Variants in ADAM19 observed in about 807,000 individuals in gnomAD.
ADAM19 encodes the protein disintegrin and metalloproteinase domain-containing protein 19.
Under a neutral mutation model 114.7 loss-of-function variants are expected in ADAM19, and 65 were observed. That is an observed-to-expected ratio of 0.57 (90% CI 0.46 to 0.70). The LOEUF is 0.70. Among genes scored for constraint, ADAM19 ranks in the 30% least tolerant of loss-of-function variants. The pLI is 0.00. For missense variants in ADAM19, 1,063 were observed against 1,204.7 expected, an observed-to-expected ratio of 0.88 and a Z score of 1.74; for synonymous variants, 466 against 460.5, an observed-to-expected ratio of 1.01 and a Z score of -0.15.
intron 16 of ADAM19, 59 bp downstream of exon 16, chr5:157,492,914 C>G: frequency 6.3e-7 from 1 of 1,583,472 alleles, no homozygotes; most frequent in East Asian, 2.2e-5. Flanking sequence ...CCTCAGACCT[C>G]ACTTCTCAAT....
At position 157,498,688 on chromosome 5, in the gene ADAM19, GTATA is replaced by G. The variant is rs55867903; in HGVS notation, c.1398+881_1398+884del. Among the ~76,000 whole-genome samples the G allele has an allele frequency of 9.3e-3, 1,332 of 143,846 alleles. 12 individuals are homozygous for G. Among genetic ancestry groups the G allele is most frequent in the African/African-American group, 0.019 (768 of 39,582 alleles). 94.4% of individuals were successfully genotyped at this position (143,846 alleles called of 152,430 possible). A position where few individuals can be genotyped will look rare whatever the true frequency, so the allele number is the denominator to read the frequency against. ...CATATATAATTACACATGTGTGTAT[GTATA>G]TATATATATATATATATATGGATAT... On this transcript the variant is annotated intron_variant, in intron 13 of 22. Transcript: ENST00000257527.
intron 21 of ADAM19, among the ~76,000 whole-genome samples, chr5:157,486,208 G>A (rs1022519953): frequency 6.6e-6 from 1 of 152,158 alleles, no homozygotes; most frequent in African/African-American, 2.4e-5. Context: ...ACTGTGCAAT[G>A]TCGGGCAAGT....
chr5:157,530,968 C>T (rs2113755919), intron 4 of ADAM19, 85 bp from the exon 5 acceptor site: 1 of 1,205,082 alleles, frequency 8.3e-7, no homozygotes, highest in Non-Finnish European at 1.2e-6. Context: ...ATGGATGACT[C>T]ATGGCTTATT....
intron 13 of ADAM19, 109 bp from the exon 14 acceptor site, chr5:157,497,198 A>G: frequency 9.9e-7 from 1 of 1,014,808 alleles, no homozygotes; most frequent in South Asian, 2.2e-5. Flanking sequence ...TTCCATTACC[A>G]TGATTTCACA....
At chr5:157,545,633 A>G (rs755410380) in intron 3 of ADAM19, among the ~76,000 whole-genome samples, 6 of 152,154 alleles carry the variant, frequency 3.9e-5, no homozygotes, top group Non-Finnish European at 8.8e-5. Flanking sequence ...TCTCTGCCCA[A>G]CCCTGACCTC....
intron 2 of ADAM19, among the ~76,000 whole-genome samples, chr5:157,565,783 G>A (rs909353251): frequency 6.6e-6 from 1 of 150,970 alleles, no homozygotes; most frequent in African/African-American, 2.4e-5. Flanking sequence ...CACAGGCAAA[G>A]GTTTGCACAT....
At chr5:157,526,414 A>C (rs556259482) in intron 5 of ADAM19, among the ~76,000 whole-genome samples, 35 of 152,354 alleles carry the variant, frequency 2.3e-4, no homozygotes, top group African/African-American at 8.2e-4. Flanking sequence ...ATTTTTAAAA[A>C]AGTAAACAAC....
At chr5:157,552,414 G>A (rs1757225726) in intron 3 of ADAM19, among the ~76,000 whole-genome samples, 1 of 152,014 alleles carries the variant, frequency 6.6e-6, no homozygotes, top group Non-Finnish European at 1.5e-5. Context: ...CACTTTGGGA[G>A]GCTGAGGTGG....
intron 3 of ADAM19, among the ~76,000 whole-genome samples, chr5:157,539,082 G>T (rs1280863276): frequency 6.6e-6 from 1 of 151,800 alleles, no homozygotes; most frequent in Admixed American, 6.6e-5. Flanking sequence ...GAACCTGGGG[G>T]GTGGAGGTTG....
chr5:157,494,721 C>T lies in ADAM19; in HGVS notation c.1669G>A (p.Asp557Asn). The T allele has an allele frequency of 2.5e-6, 4 of 1,613,862 alleles. No individual in the cohort carries two copies. Among genetic ancestry groups the T allele is most frequent in the South Asian group, 1.1e-5 (1 of 91,074 alleles). The change falls in exon 15 of 23, where the codon GAC becomes AAC. Residue 557 changes from aspartate to asparagine, a missense_variant. This residue lies in a region of ADAM19 where 24 missense variants were observed against 53.0 expected (regional missense o/e 0.45). Coordinates refer to ENST00000257527, the MANE Select transcript of ADAM19 (RefSeq NM_033274.5). ...AGDTFGNCGKDMNGEHRKCNM... is the reference protein window; with the variant it reads ...AGDTFGNCGKNMNGEHRKCNM... Reference sequence around the variant, plus strand: ...CACTTCCTGTGTTCACCATTCATGTCCTTTCCACAGTTTCCAAAGGTGTCT... The same window carrying T: ...CACTTCCTGTGTTCACCATTCATGTTCTTTCCACAGTTTCCAAAGGTGTCT...
chr5:157,524,497 T>C (rs541625865), intron 5 of ADAM19, among the ~76,000 whole-genome samples: 1 of 152,358 alleles, frequency 6.6e-6, no homozygotes, highest in African/African-American at 2.4e-5. Flanking sequence ...CAACAACTGC[T>C]TCCTGGGGAC....
intron 3 of ADAM19, among the ~76,000 whole-genome samples, chr5:157,538,402 T>C (rs1420502539): frequency 6.6e-6 from 1 of 152,246 alleles, no homozygotes; most frequent in Non-Finnish European, 1.5e-5. Context: ...AATTTTTCTT[T>C]AAGGGAATAA....
chr5:157,503,002 A>G (rs1755617321), intron 11 of ADAM19, 22 bp from the exon 12 acceptor site: 2 of 1,605,406 alleles, frequency 1.2e-6, no homozygotes, highest in South Asian at 1.1e-5. Context: ...CAAGGCTGGA[A>G]TTAGTGGGGA....
intron 12 of ADAM19, 96 bp downstream of exon 12, chr5:157,502,707 G>A: frequency 7.2e-7 from 1 of 1,397,716 alleles, no homozygotes. Context: ...GGAAACACCT[G>A]TGACTAAGAA....
At chr5:157,564,611 C>A (rs1018440653) in intron 2 of ADAM19, among the ~76,000 whole-genome samples, 168 bp from the exon 3 acceptor site, 7 of 152,224 alleles carry the variant, frequency 4.6e-5, no homozygotes, top group African/African-American at 1.7e-4. Flanking sequence ...CCCAGAATGA[C>A]CCAAATCCTT....
chr5:157,556,858 A>G (rs1008160226), intron 3 of ADAM19, among the ~76,000 whole-genome samples: 1 of 152,206 alleles, frequency 6.6e-6, no homozygotes, highest in Non-Finnish European at 1.5e-5. Flanking sequence ...ATCCATTCTC[A>G]GCAAATGCTC....
intron 21 of ADAM19, among the ~76,000 whole-genome samples, chr5:157,482,598 T>A (rs1754790381): frequency 6.6e-6 from 1 of 152,204 alleles, no homozygotes; most frequent in African/African-American, 2.4e-5. Context: ...AAGGAAGGGA[T>A]CCAGTTTCAG....
At chr5:157,553,340 T>TA (rs1320625077) in intron 3 of ADAM19, among the ~76,000 whole-genome samples, 1 of 152,074 alleles carries the variant, frequency 6.6e-6, no homozygotes, top group Non-Finnish European at 1.5e-5. Context: ...AATTAAAAAT[T>TA]AAAAAAGGAA....
intron 11 of ADAM19, among the ~76,000 whole-genome samples, chr5:157,504,209 G>A (rs1755663963): frequency 6.6e-6 from 1 of 152,186 alleles, no homozygotes; most frequent in Non-Finnish European, 1.5e-5. Flanking sequence ...AGGGATCCAG[G>A]CATGACTGTG....
Sources: gnomAD v4.1 joint callset for allele counts (sites outside exome capture counted in the v4.1 genomes callset) on GRCh38, gnomAD v4.1.1 for gene constraint, gnomAD v4.1.1 regional missense constraint, MANE v1.5 for transcripts, NCBI Gene and HGNC (gene_info 2026-07-23, HGNC 2026-07-21) for gene names.